LINGO2: variants seen among roughly 807,000 people sequenced by gnomAD.
LINGO2 encodes leucine-rich repeat and immunoglobulin-like domain-containing nogo receptor-interacting protein 2.
Under a neutral mutation model 30.6 loss-of-function variants are expected in LINGO2, and 14 were observed. The observed-to-expected ratio is 0.46, with a 90% CI of 0.30 to 0.72. The LOEUF is 0.72. Among genes scored for constraint, LINGO2 ranks in the 30% least tolerant of loss-of-function variants. The pLI, the probability that LINGO2 is intolerant of heterozygous loss-of-function variation, is 0.07. For synonymous variants in LINGO2, 317 were observed against 288.5 expected (o/e 1.10, Z -1.00); for missense variants, 729 against 751.7 (o/e 0.97, Z 0.35).
chr9:28,177,737 A>G (rs998686847), intron 4 of LINGO2, among the ~76,000 whole-genome samples: 1 of 152,174 alleles, frequency 6.6e-6, no homozygotes, highest in Non-Finnish European at 1.5e-5. Flanking sequence ...TCCAGAGACC[A>G]GGCATCTTGC....
At chr9:28,024,123 C>T (rs1823264460) in intron 4 of LINGO2, among the ~76,000 whole-genome samples, 1 of 152,188 alleles carries the variant, frequency 6.6e-6, no homozygotes, top group Non-Finnish European at 1.5e-5. Context: ...CTTCCAAGCT[C>T]TTTACCTGTG....
intron 3 of LINGO2, among the ~76,000 whole-genome samples, chr9:28,353,360 C>G (rs1034225375): frequency 1.3e-5 from 2 of 150,604 alleles, no homozygotes; most frequent in South Asian, 4.3e-4. Flanking sequence ...ACAGACACTT[C>G]TCAAAAGAAG....
chr9:28,478,599 T>C, intron 1 of LINGO2, among the ~76,000 whole-genome samples: 1 of 152,112 alleles, frequency 6.6e-6, no homozygotes, highest in East Asian at 1.9e-4. Flanking sequence ...TGTATATTTC[T>C]GTGTGTTTGT....
At chr9:28,021,951 T>C (rs926818332) in intron 4 of LINGO2, among the ~76,000 whole-genome samples, 1 of 152,026 alleles carries the variant, frequency 6.6e-6, no homozygotes, top group Non-Finnish European at 1.5e-5. Flanking sequence ...AATTACTGCA[T>C]TTAACCATAA....
intron 4 of LINGO2, among the ~76,000 whole-genome samples, chr9:28,187,217 G>T (rs769570479): frequency 6.6e-6 from 1 of 152,126 alleles, no homozygotes; most frequent in African/African-American, 2.4e-5. Flanking sequence ...AAGGCCAGGC[G>T]CAGTGGCTCA....
chr9:28,420,818 C>T (rs1030140241), intron 2 of LINGO2, among the ~76,000 whole-genome samples: 10 of 152,050 alleles, frequency 6.6e-5, no homozygotes, highest in Non-Finnish European at 1.3e-4. Flanking sequence ...TTATGGAGAA[C>T]TGACTTGGAA....
At chr9:28,310,237 G>C (rs144219261) in intron 3 of LINGO2, among the ~76,000 whole-genome samples, 1 of 152,258 alleles carries the variant, frequency 6.6e-6, no homozygotes, top group African/African-American at 2.4e-5. Context: ...CTTGTCCACA[G>C]TCGTTCCTAG....
chr9:28,815,110 T>C, the LINGO2 span, among the ~76,000 whole-genome samples: 3 of 152,228 alleles, frequency 2.0e-5, no homozygotes, highest in African/African-American at 4.8e-5. Context: ...AGCAAATTTA[T>C]TCCCTAGGGA....
intron 4 of LINGO2, among the ~76,000 whole-genome samples, chr9:28,134,927 C>T (rs994994000): frequency 2.6e-5 from 4 of 152,134 alleles, no homozygotes; most frequent in Non-Finnish European, 5.9e-5. Context: ...ACGCTCTATA[C>T]AGGAAGAGAA....
chr9:28,609,534 G>GA (rs970467602), intron 1 of LINGO2, among the ~76,000 whole-genome samples: 1 of 151,486 alleles, frequency 6.6e-6, no homozygotes, highest in African/African-American at 2.4e-5. Context: ...TTTTAAATCA[G>GA]AAAAAAATAA....
At chr9:28,877,108 T>C in the LINGO2 span, among the ~76,000 whole-genome samples, 1 of 152,066 alleles carries the variant, frequency 6.6e-6, no homozygotes, top group African/African-American at 2.4e-5. Flanking sequence ...GTGTTTTTTT[T>C]TTTTGTAAAT....
intron 1 of LINGO2, among the ~76,000 whole-genome samples, chr9:28,487,459 T>A (rs1352553587): frequency 1.3e-5 from 2 of 152,140 alleles, no homozygotes; most frequent in African/African-American, 4.8e-5. Context: ...ACAATTCTTA[T>A]GCCAAAATTT....
At chr9:28,433,159 T>C (rs1321177567) in intron 2 of LINGO2, among the ~76,000 whole-genome samples, 1 of 152,132 alleles carries the variant, frequency 6.6e-6, no homozygotes, top group African/African-American at 2.4e-5. Flanking sequence ...GATGGTTTCA[T>C]GGGAAGGCAT....
chr9:28,765,420 T>C, the LINGO2 span, among the ~76,000 whole-genome samples: 1 of 151,970 alleles, frequency 6.6e-6, no homozygotes, highest in Non-Finnish European at 1.5e-5. Context: ...AAAATTCATG[T>C]TGGTATTTGA....
At chr9:28,979,812 T>C in the LINGO2 span, among the ~76,000 whole-genome samples, 3 of 152,168 alleles carry the variant, frequency 2.0e-5, no homozygotes, top group Non-Finnish European at 4.4e-5. Flanking sequence ...CCCATTCTAA[T>C]TTAAATAATA....
rs137914726 is a variant in LINGO2, at chr9:28,375,089, A to AACACACAC, written c.-278-2229_-278-2222dup. Among the ~76,000 whole-genome samples, 194 of 141,818 alleles carry AACACACAC rather than the reference A, an allele frequency of 1.4e-3. 2 individuals carry two copies. Among genetic ancestry groups the AACACACAC allele is most frequent in the East Asian group, 6.5e-3 (30 of 4,646 alleles). 93.0% of individuals were successfully genotyped at this position (141,818 alleles called of 152,430 possible). On this transcript the variant is annotated intron_variant, in intron 2 of 5. Coordinates refer to ENST00000379992, the Ensembl canonical transcript of LINGO2. Reference sequence around the variant, plus strand: ...ACCCCTTATCGCACACACACCCCTTAACACACACACACACACACACACACA... The same window carrying AACACACAC: ...ACCCCTTATCGCACACACACCCCTTAACACACACACACACACACACACACACACACACA...
chr9:28,761,654 C>T, the LINGO2 span, among the ~76,000 whole-genome samples: 1 of 151,714 alleles, frequency 6.6e-6, no homozygotes, highest in Admixed American at 6.6e-5. Flanking sequence ...ATTAGTGATA[C>T]CCCTAAGGAA....
chr9:28,851,867 T>C, the LINGO2 span, among the ~76,000 whole-genome samples: 8 of 149,082 alleles, frequency 5.4e-5, no homozygotes, highest in African/African-American at 2.0e-4. Flanking sequence ...TTAATAATTT[T>C]AGTCAAACAA....
the LINGO2 span, among the ~76,000 whole-genome samples, chr9:29,103,286 G>C: frequency 7.1e-6 from 1 of 141,588 alleles, no homozygotes; most frequent in Non-Finnish European, 1.6e-5. Context: ...ACAGCAGCTA[G>C]AAAACTTTAT....
Sources: gnomAD v4.1 joint callset for allele counts (sites outside exome capture counted in the v4.1 genomes callset) on GRCh38, gnomAD v4.1.1 for gene constraint, MANE v1.5 for transcripts, NCBI Gene and HGNC (gene_info 2026-07-23, HGNC 2026-07-21) for gene names.